PAAF1: variants seen among roughly 807,000 people sequenced by gnomAD.
PAAF1 encodes the protein proteasomal ATPase-associated factor 1.
A neutral mutation model predicts 52.8 loss-of-function variants in PAAF1; 46 were observed. The observed-to-expected ratio is 0.87, with a 90% CI of 0.69 to 1.11. The LOEUF (loss-of-function observed/expected upper bound fraction) is 1.11, where lower values mean the gene tolerates loss of function less well. Ranked by LOEUF, PAAF1 falls within the 50% of genes most tolerant of loss-of-function variation. PAAF1 has a pLI of 0.00. For synonymous variants in PAAF1, 178 were observed against 172.8 expected (o/e 1.03, Z -0.24); for missense variants, 424 against 477.4 (o/e 0.89, Z 1.04).
At chr11:73,892,296 C>T (rs1391951816) in intron 4 of PAAF1, among the ~76,000 whole-genome samples, 3 of 146,260 alleles carry the variant, frequency 2.1e-5, no homozygotes, top group Admixed American at 1.4e-4. Context: ...GCACTCCAGC[C>T]TGGGCAACAG....
In PAAF1 at chr11:73,906,680, C is replaced by T. The variant is rs564529474; in HGVS notation, c.533-2719C>T. ...AATTGGCTACTTTTTAAAGCTGTGG[C>T]ATTTTCTTAAACTCATCTTTTTCTA... is the stretch of plus-strand genomic sequence containing the variant. On this transcript the variant is annotated intron_variant, in intron 6 of 11. Transcript: ENST00000310571. Among the ~76,000 whole-genome samples the T allele has an allele frequency of 3.3e-5, 5 of 152,312 alleles. 1 individual carries two copies. The South Asian group carries it at 1.0e-3, about 32-fold the overall frequency.
intron 10 of PAAF1, among the ~76,000 whole-genome samples, chr11:73,920,987 A>G (rs2135229424): frequency 6.6e-6 from 1 of 152,042 alleles, no homozygotes; most frequent in Middle Eastern, 3.4e-3. Context: ...TGTCCTATCT[A>G]CAGGCCATTT....
Position 73,907,660 on chromosome 11 carries a change from G to A in PAAF1, c.533-1739G>A, listed in dbSNP as rs115547074. On this transcript the variant is annotated intron_variant, in intron 6 of 11. Coordinates refer to ENST00000310571, the MANE Select transcript of PAAF1 (RefSeq NM_025155.3). ...TACTTAACCTGGTCAACCCCACTGGGTAGGGGAATGGGAGTGCTGCTGCCG... is the reference window on the plus strand; with the variant it reads ...TACTTAACCTGGTCAACCCCACTGGATAGGGGAATGGGAGTGCTGCTGCCG... Among the ~76,000 whole-genome samples the A allele has an allele frequency of 1.2e-3, 184 of 152,288 alleles. 1 individual carries two copies. Among genetic ancestry groups the A allele is most frequent in the African/African-American group, 4.3e-3 (180 of 41,550 alleles).
At position 73,927,629 on chromosome 11, in the gene PAAF1, T is replaced by C. The variant is rs558293529; in HGVS notation, c.*267T>C. Reference sequence around the variant, plus strand: ...CAGCAACACAGGGCAAGGATATAGATGCTTTTAGTTTGTTCTTAAACCAGT... The same window carrying C: ...CAGCAACACAGGGCAAGGATATAGACGCTTTTAGTTTGTTCTTAAACCAGT... On this transcript the variant is annotated 3_prime_UTR_variant, in exon 12 of 12. Transcript: ENST00000310571. 1.6e-5 allele frequency: 8 copies of C among 502,858 alleles called. No individual in the cohort carries two copies. Among genetic ancestry groups the C allele is most frequent in the South Asian group, 2.9e-5 (1 of 33,994 alleles). 31.1% of individuals were successfully genotyped at this position (502,858 alleles called of 1,614,324 possible). A position where few individuals can be genotyped will look rare whatever the true frequency, so the allele number is the denominator to read the frequency against.
chr11:73,889,170 A>G, intron 3 of PAAF1: 2 of 1,528,478 alleles, frequency 1.3e-6, no homozygotes, highest in Non-Finnish European at 1.8e-6. Context: ...CTTCATACTC[A>G]GACCTGGATA....
intron 2 of PAAF1, 51 bp downstream of exon 2, chr11:73,878,870 A>G: frequency 1.2e-5 from 18 of 1,549,332 alleles, no homozygotes; most frequent in Non-Finnish European, 1.5e-5. Context: ...AAGGATTAAT[A>G]CCCTTAAAAG....
chr11:73,927,487 A>G lies in PAAF1; in HGVS notation c.*125A>G. 1 of 800,434 alleles carries G rather than the reference A, an allele frequency of 1.2e-6. No homozygotes were observed. Among genetic ancestry groups the G allele is most frequent in the South Asian group, 1.6e-5 (1 of 62,942 alleles). 49.6% of individuals were successfully genotyped at this position (800,434 alleles called of 1,614,324 possible). ...GTCTTGGGCACCCCTTGGAAATCACAGAAAGTCAGCTGTACTGGCCGTGTG... is the reference window on the plus strand; with the variant it reads ...GTCTTGGGCACCCCTTGGAAATCACGGAAAGTCAGCTGTACTGGCCGTGTG... On this transcript the variant is annotated 3_prime_UTR_variant, in exon 12 of 12. Transcript: ENST00000310571.
upstream of PAAF1, chr11:73,876,853 C>A: frequency 1.5e-6 from 1 of 652,594 alleles, no homozygotes; most frequent in Non-Finnish European, 2.4e-6. Flanking sequence ...TTTCAGGAAC[C>A]AGCCCCTCGT....
At chr11:73,897,516 G>A (rs1949440370) in intron 4 of PAAF1, among the ~76,000 whole-genome samples, 1 of 150,840 alleles carries the variant, frequency 6.6e-6, no homozygotes, top group African/African-American at 2.4e-5. Context: ...AGGGTGGCAG[G>A]GCAGAGGTGC....
chr11:73,914,186 A>T (rs974414462), intron 7 of PAAF1, among the ~76,000 whole-genome samples: 1 of 152,258 alleles, frequency 6.6e-6, no homozygotes, highest in Non-Finnish European at 1.5e-5. Context: ...ACATTTTTAA[A>T]ATGTAAAAGT....
Position 73,900,415 on chromosome 11 carries a change from AAGG to A in PAAF1, c.531_532+1del. 1 of 1,606,368 alleles carries A rather than the reference AAGG, an allele frequency of 6.2e-7. No individual in the cohort carries two copies. Among genetic ancestry groups the A allele is most frequent in the Non-Finnish European group, 8.5e-7 (1 of 1,175,052 alleles). ...TGCGTGGTGACCTTCAAAGGTCACA[AAGG>A]AGGTATGAAGTGTGCTTTCTCCAAA... On this transcript the variant is annotated inframe_deletion and splice_region_variant, in exon 6 of 12. Transcript: ENST00000310571.
intron 6 of PAAF1, among the ~76,000 whole-genome samples, chr11:73,909,195 G>A (rs1422124014): frequency 6.6e-6 from 1 of 152,136 alleles, no homozygotes; most frequent in African/African-American, 2.4e-5. Context: ...GTTTTTCCAT[G>A]CCTGTCTTTC....
chr11:73,912,729 T>C (rs1273808658), intron 7 of PAAF1, among the ~76,000 whole-genome samples: 1 of 152,196 alleles, frequency 6.6e-6, no homozygotes, highest in African/African-American at 2.4e-5. Flanking sequence ...CCCCTTAGCA[T>C]GGTTTACAAC....
intron 3 of PAAF1, chr11:73,889,371 A>G: frequency 1.8e-6 from 1 of 552,270 alleles, no homozygotes; most frequent in Non-Finnish European, 2.8e-6. Context: ...CTAACCCTGG[A>G]GCATAAAAAT....
chr11:73,879,108 A>G (rs139565317), intron 2 of PAAF1: 80 of 198,252 alleles, frequency 4.0e-4, no homozygotes, highest in African/African-American at 1.8e-3. Flanking sequence ...TGCAGCTTCA[A>G]CTGGGACTTT....
chr11:73,900,301 A>G lies in PAAF1; in HGVS notation c.413A>G (p.Asn138Ser). Residue 138 changes from asparagine to serine, a missense_variant, in exon 6 of 12, where the codon AAT becomes AGT. Transcript: ENST00000310571. ...TTGGAAGGACATGTGTTTGATGTGA[A>G]TTGTTGCAGGTTTTTCCCATCAGGC... is the stretch of plus-strand genomic sequence containing the variant. ...RVLEGHVFDV[N>S]CCRFFPSGLV... 6.2e-7 allele frequency: 1 copy of G among 1,611,270 alleles called. No homozygotes were observed. Among genetic ancestry groups the G allele is most frequent in the Non-Finnish European group, 8.5e-7 (1 of 1,178,394 alleles).
intron 11 of PAAF1, 78 bp from the exon 12 acceptor site, chr11:73,927,207 G>A (rs1950385766): frequency 9.7e-7 from 1 of 1,028,356 alleles, no homozygotes. Flanking sequence ...GGACTAGTGT[G>A]TGTCAATCAT....
intron 3 of PAAF1, among the ~76,000 whole-genome samples, chr11:73,888,640 T>G (rs1353837040): frequency 6.6e-6 from 1 of 152,260 alleles, no homozygotes; most frequent in Non-Finnish European, 1.5e-5. Flanking sequence ...GTTTTTTACA[T>G]AAGATTTTTA....
intron 10 of PAAF1, 39 bp downstream of exon 10, chr11:73,919,071 A>C: frequency 1.3e-6 from 2 of 1,526,384 alleles, no homozygotes; most frequent in Non-Finnish European, 1.8e-6. Context: ...GCTTCTCTGT[A>C]GTTCAGTTAA....
Sources: gnomAD v4.1 joint callset for allele counts (sites outside exome capture counted in the v4.1 genomes callset) on GRCh38, gnomAD v4.1.1 for gene constraint, MANE v1.5 for transcripts, NCBI Gene and HGNC (gene_info 2026-07-23, HGNC 2026-07-21) for gene names.